FAT4: variants seen among roughly 807,000 people sequenced by gnomAD.
FAT4 encodes the protein FAT atypical cadherin 4.
A neutral mutation model predicts 303.9 loss-of-function variants in FAT4; 84 were observed. That is an observed-to-expected ratio of 0.28 (90% CI 0.23 to 0.33). The LOEUF is 0.33. FAT4 is among the 10% of genes least tolerant of loss of function. The probability of loss-of-function intolerance (pLI) is 1.00; values close to 1 mark genes in which losing one functional copy is unlikely to be tolerated. For missense variants in FAT4, 6,005 were observed against 6,146.8 expected (o/e 0.98, Z 0.77); for synonymous variants, 2,307 against 2,298.8 (o/e 1.00, Z -0.10).
At chr4:125,444,278 T>A (rs1176797939) in intron 8 of FAT4, among the ~76,000 whole-genome samples, 4 of 152,094 alleles carry the variant, frequency 2.6e-5, no homozygotes, top group African/African-American at 9.7e-5. Context: ...GGTGAGTGCT[T>A]CCTGTGTGTT....
At chr4:125,418,719 G>T (rs1334081223) in intron 7 of FAT4, among the ~76,000 whole-genome samples, 1 of 152,100 alleles carries the variant, frequency 6.6e-6, no homozygotes, top group Non-Finnish European at 1.5e-5. Context: ...AATATTTACT[G>T]TACCAAGTAG....
In FAT4 at chr4:125,461,230, A is replaced by G. The variant is rs546516294; in HGVS notation, c.11801-2333A>G. ...TAAAATATTTTATACAGGGTTAAAT[A>G]AGAATTGATTCATATAATTATACAC... is the stretch of plus-strand genomic sequence containing the variant. On this transcript the variant is annotated intron_variant, in intron 10 of 17. Coordinates refer to ENST00000394329, the MANE Select transcript of FAT4 (RefSeq NM_001291303.3). Among the ~76,000 whole-genome samples, 10 of 152,154 alleles carry G rather than the reference A, an allele frequency of 6.6e-5. No homozygotes were observed. The South Asian group carries it at 1.9e-3, about 28-fold the overall frequency.
At chr4:125,488,339 A>G (rs1016305031) in intron 17 of FAT4, among the ~76,000 whole-genome samples, 2 of 152,188 alleles carry the variant, frequency 1.3e-5, no homozygotes, top group Admixed American at 1.3e-4. Flanking sequence ...AAGTAATTGA[A>G]AACTTTAATC....
intron 3 of FAT4, among the ~76,000 whole-genome samples, chr4:125,400,628 G>A (rs1734349863): frequency 6.6e-6 from 1 of 151,804 alleles, no homozygotes; most frequent in African/African-American, 2.4e-5. Context: ...AGGAAGCCTA[G>A]GAAGGTCCTT....
chr4:125,464,684 C>G (rs1482056583), intron 11 of FAT4, among the ~76,000 whole-genome samples: 2 of 152,062 alleles, frequency 1.3e-5, no homozygotes, highest in Non-Finnish European at 2.9e-5. Context: ...CACCCCATGA[C>G]AGGTCACGGT....
At position 125,319,285 on chromosome 4, in the gene FAT4, T is replaced by C. The variant is rs1372010969; in HGVS notation, c.2874T>C (p.His958=). The C allele has an allele frequency of 5.0e-6, 8 of 1,614,182 alleles. No individual in the cohort carries two copies. The highest frequency in any genetic ancestry group is 6.8e-6 in the Non-Finnish European group (8 of 1,180,032). ...TISLLGPLDV[H]AGSYQIEILA... is the part of the protein sequence containing the mutation. ...GTCTGCTTGGGCCCCTGGATGTTCA[T>C]GCTGGCTCCTACCAAATAGAGATCT... is the stretch of plus-strand genomic sequence containing the variant. The change falls in exon 2 of 18, where the codon CAT becomes CAC. Residue 958 remains histidine (H), a synonymous_variant. Transcript: ENST00000394329.
At position 125,316,797 on chromosome 4, in the gene FAT4, A is replaced by T; in HGVS notation, c.386A>T (p.Asn129Ile). ...TEVRVLVRDL[N>I]DNAPVFPDPS... Reference sequence around the variant, plus strand: ...GTGCGAGTGCTGGTGCGGGACCTCAATGACAACGCCCCCGTTTTCCCGGAC... The same window carrying T: ...GTGCGAGTGCTGGTGCGGGACCTCATTGACAACGCCCCCGTTTTCCCGGAC... The change falls in exon 2 of 18, where the codon AAT (asparagine) becomes ATT (isoleucine). Residue 129 changes from asparagine (N) to isoleucine (I), a missense_variant. Transcript: ENST00000394329. The surrounding 1 kb of genome is among the most constrained non-coding windows in gnomAD (Gnocchi z 5.7). 1 of 1,614,022 alleles carries T rather than the reference A, an allele frequency of 6.2e-7. No individual in the cohort carries two copies. The highest frequency in any genetic ancestry group is 8.5e-7 in the Non-Finnish European group (1 of 1,179,994).
Position 125,449,955 on chromosome 4 carries a change from C to G in FAT4, c.8945C>G (p.Ala2982Gly). The part of the protein sequence containing the change: ...TINIVDSNDN[A>G]PQFLKSKYFT... ...AATATAGTGGACAGTAATGACAATG[C>G]ACCTCAATTTCTTAAAAGTAAATAT... is the stretch of plus-strand genomic sequence containing the variant. The change falls in exon 10 of 18, where the codon GCA (alanine) becomes GGA (glycine). Residue 2982 changes from alanine (A) to glycine (G), a missense_variant. By Grantham distance (60) the Ala-to-Gly change is moderately conservative. Coordinates refer to ENST00000394329, the MANE Select transcript of FAT4 (RefSeq NM_001291303.3). The G allele has an allele frequency of 6.2e-7, 1 of 1,613,668 alleles. No homozygotes were observed. Among genetic ancestry groups the G allele is most frequent in the Non-Finnish European group, 8.5e-7 (1 of 1,179,816 alleles).
intron 11 of FAT4, among the ~76,000 whole-genome samples, chr4:125,467,269 C>T (rs753715377): frequency 6.6e-5 from 10 of 152,148 alleles, no homozygotes; most frequent in South Asian, 2.1e-4. Flanking sequence ...GGCTGTTTCT[C>T]TTGGTTCTGT....
At chr4:125,402,113 A>C (rs1416585863) in intron 3 of FAT4, among the ~76,000 whole-genome samples, 1 of 151,960 alleles carries the variant, frequency 6.6e-6, no homozygotes, top group East Asian at 1.9e-4. Flanking sequence ...GAATATGAAA[A>C]AGATTGTTTT....
intron 14 of FAT4, 105 bp from the exon 15 acceptor site, chr4:125,479,636 T>C (rs1261949273): frequency 1.8e-6 from 2 of 1,105,932 alleles, no homozygotes; most frequent in Non-Finnish European, 2.4e-6. Flanking sequence ...CTTCAAATAA[T>C]GGAGTGCTTG....
intron 5 of FAT4, among the ~76,000 whole-genome samples, chr4:125,412,929 C>A (rs1448353920): frequency 6.6e-6 from 1 of 151,664 alleles, no homozygotes; most frequent in Non-Finnish European, 1.5e-5. Context: ...TCAATATTTA[C>A]TGATGAACTT....
chr4:125,334,892 G>A (rs746876464), intron 2 of FAT4, among the ~76,000 whole-genome samples: 5 of 152,048 alleles, frequency 3.3e-5, no homozygotes, highest in Non-Finnish European at 5.9e-5. Flanking sequence ...GTATAGCTAT[G>A]TGGAACAGAA....
chr4:125,352,158 A>C (rs1338117867), intron 2 of FAT4, among the ~76,000 whole-genome samples: 1 of 151,674 alleles, frequency 6.6e-6, no homozygotes, highest in African/African-American at 2.4e-5. Context: ...ACTACTTATG[A>C]AGACTATTAT....
chr4:125,364,051 CG>C (rs1349601341), intron 2 of FAT4, among the ~76,000 whole-genome samples: 1 of 151,866 alleles, frequency 6.6e-6, no homozygotes, highest in Non-Finnish European at 1.5e-5. Flanking sequence ...AACAGTTGTC[CG>C]TTGTTGATGG....
chr4:125,406,059 G>A (rs562994794), intron 3 of FAT4, among the ~76,000 whole-genome samples: 113 of 152,098 alleles, frequency 7.4e-4, no homozygotes, highest in South Asian at 6.8e-3. Flanking sequence ...TGCTTATGTT[G>A]CTTGTTTTGG....
intron 2 of FAT4, among the ~76,000 whole-genome samples, chr4:125,331,074 A>G (rs1415091784): frequency 6.6e-6 from 1 of 151,702 alleles, no homozygotes; most frequent in Non-Finnish European, 1.5e-5. Flanking sequence ...TCTTCCCTCC[A>G]GTTTTCGTTT....
At chr4:125,431,956 T>A (rs1002577626) in intron 7 of FAT4, among the ~76,000 whole-genome samples, 6 of 152,166 alleles carry the variant, frequency 3.9e-5, no homozygotes, top group Non-Finnish European at 5.9e-5. Flanking sequence ...TTCAAGAAAT[T>A]TAAGCCAAAC....
intron 2 of FAT4, among the ~76,000 whole-genome samples, chr4:125,396,686 T>C (rs765856865): frequency 1.3e-5 from 2 of 152,040 alleles, no homozygotes; most frequent in Non-Finnish European, 2.9e-5. Flanking sequence ...CAAGGGTGGC[T>C]TGTTGCTTTC....
Sources: allele counts gnomAD v4.1 joint callset (sites outside exome capture counted in the v4.1 genomes callset), GRCh38; gene constraint gnomAD v4.1.1; non-coding constraint Gnocchi (gnomAD v3.1); transcripts MANE v1.5; gene names NCBI Gene and HGNC (gene_info 2026-07-23, HGNC 2026-07-21).